AGBL3: variants seen among roughly 807,000 people sequenced by gnomAD.
The protein encoded by AGBL3 is AGBL carboxypeptidase 3.
A neutral mutation model predicts 94.5 loss-of-function variants in AGBL3; 68 were observed. The observed-to-expected ratio is 0.72, with a 90% CI of 0.59 to 0.88. The LOEUF (loss-of-function observed/expected upper bound fraction) is 0.88, where lower values mean the gene tolerates loss of function less well. AGBL3 is among the 40% of genes least tolerant of loss of function. AGBL3 has a pLI of 0.00. For missense variants in AGBL3, 934 were observed against 1,103.8 expected, an observed-to-expected ratio of 0.85 and a Z score of 2.18; for synonymous variants, 354 against 370.7, an observed-to-expected ratio of 0.95 and a Z score of 0.52.
At chr7:135,094,354 G>A in intron 15 of AGBL3, 1 of 456,572 alleles carries the variant, frequency 2.2e-6, no homozygotes, top group Non-Finnish European at 4.4e-6. Context: ...ACGAATCCAG[G>A]GAGTCACTGC....
chr7:135,019,889 T>C (rs1814236985), intron 5 of AGBL3, among the ~76,000 whole-genome samples: 1 of 152,190 alleles, frequency 6.6e-6, no homozygotes, highest in East Asian at 1.9e-4. Context: ...ATCCATTCCT[T>C]ACACATTATA....
At chr7:135,011,408 C>T (rs1383330821) in intron 4 of AGBL3, 3 of 152,062 alleles carry the variant, frequency 2.0e-5, no homozygotes, top group African/African-American at 7.2e-5. Context: ...AAGAAAAAGA[C>T]TGATAAATTT....
At chr7:134,989,509 T>C (rs1336151234) in intron 3 of AGBL3, among the ~76,000 whole-genome samples, 199 bp downstream of exon 3, 7 of 152,220 alleles carry the variant, frequency 4.6e-5, no homozygotes, top group Non-Finnish European at 1.0e-4. Context: ...TAGAAAATAA[T>C]AAATGAAAGT....
At chr7:134,989,331 T>C (rs1326719810) in intron 3 of AGBL3, 21 bp downstream of exon 3, 2 of 1,508,114 alleles carry the variant, frequency 1.3e-6, no homozygotes, top group Non-Finnish European at 1.8e-6. Flanking sequence ...ATTCATATAG[T>C]TTTTGTTTAG....
chr7:135,049,122 T>A (rs1003390639), intron 11 of AGBL3, among the ~76,000 whole-genome samples: 1 of 151,858 alleles, frequency 6.6e-6, no homozygotes, highest in Non-Finnish European at 1.5e-5. Context: ...CCTTCTATTC[T>A]TAGTTTGTTG....
chr7:135,005,802 T>A (rs1225324818), intron 4 of AGBL3, among the ~76,000 whole-genome samples: 2 of 151,692 alleles, frequency 1.3e-5, no homozygotes, highest in Admixed American at 6.6e-5. Flanking sequence ...TCCCAAGTGG[T>A]TTTTCATGAA....
At position 135,032,867 on chromosome 7, in the gene AGBL3, T is replaced by C. The variant is rs1815914863; in HGVS notation, c.442T>C (p.Tyr148His). 2 of 1,549,980 alleles carry C rather than the reference T, an allele frequency of 1.3e-6. No homozygotes were observed. The highest frequency in any genetic ancestry group is 1.7e-6 in the Non-Finnish European group (2 of 1,146,438). ...EDAYKEPCFV[Y>H]SRVGGNRTPL... ...AGCTTACAAAGAGCCCTGTTTTGTG[T>C]ATTCCCGAGTTGGGGGTAACCGAAC... The change falls in exon 6 of 17, where the codon TAT (tyrosine) becomes CAT (histidine). Residue 148 changes from tyrosine (Y) to histidine (H), a missense_variant. This residue lies in a region of AGBL3 where 488 missense variants were observed against 563.6 expected (regional missense o/e 0.87). Coordinates refer to ENST00000436302, the MANE Select transcript of AGBL3 (RefSeq NM_178563.4).
chr7:135,034,063 T>G (rs1007285120), intron 6 of AGBL3, 86 bp from the exon 7 acceptor site: 2 of 1,194,618 alleles, frequency 1.7e-6, no homozygotes, highest in Non-Finnish European at 2.2e-6. Context: ...TTTTCCTTAT[T>G]TAACTCAAAA....
intron 3 of AGBL3, among the ~76,000 whole-genome samples, chr7:134,991,201 T>TA (rs1489064986): frequency 3.7e-5 from 3 of 80,428 alleles, no homozygotes; most frequent in Non-Finnish European, 7.7e-5. Context: ...TGTGTGTGGG[T>TA]GGGGGGGGGG....
At chr7:135,103,120 G>A (rs1421267376) in intron 15 of AGBL3, among the ~76,000 whole-genome samples, 4 of 152,042 alleles carry the variant, frequency 2.6e-5, no homozygotes, top group African/African-American at 7.2e-5. Context: ...CAGACCATCC[G>A]CACCTGGAAA....
intron 15 of AGBL3, among the ~76,000 whole-genome samples, chr7:135,103,866 G>A (rs1413874804): frequency 6.6e-6 from 1 of 151,878 alleles, no homozygotes; most frequent in Middle Eastern, 3.4e-3. Flanking sequence ...TTCTTCAACT[G>A]CTTCAACTGC....
chr7:135,038,198 A>C (rs1584912557), intron 8 of AGBL3, among the ~76,000 whole-genome samples: 1 of 152,212 alleles, frequency 6.6e-6, no homozygotes, highest in African/African-American at 2.4e-5. Flanking sequence ...TAAGTTCTCA[A>C]CCAACAAATT....
intron 15 of AGBL3, among the ~76,000 whole-genome samples, chr7:135,104,279 GT>G (rs1824309273): frequency 6.6e-6 from 1 of 152,116 alleles, no homozygotes; most frequent in Admixed American, 6.5e-5. Context: ...GTATTCCATG[GT>G]GTATGTGTAC....
At chr7:135,043,903 C>T in intron 8 of AGBL3, 122 bp from the exon 9 acceptor site, 1 of 1,234,708 alleles carries the variant, frequency 8.1e-7, no homozygotes, top group Non-Finnish European at 1.1e-6. Flanking sequence ...TAAAAAGTAG[C>T]TCCTGAAGCT....
chr7:134,992,660 G>A (rs2133370791), intron 3 of AGBL3, among the ~76,000 whole-genome samples: 2 of 152,284 alleles, frequency 1.3e-5, no homozygotes, highest in South Asian at 4.1e-4. Flanking sequence ...TTATTGACCT[G>A]TAGTAAGATT....
At chr7:135,042,692 A>AT (rs1244569919) in intron 8 of AGBL3, among the ~76,000 whole-genome samples, 1 of 152,142 alleles carries the variant, frequency 6.6e-6, no homozygotes, top group Non-Finnish European at 1.5e-5. Context: ...GGAGGATGGC[A>AT]TGAGGCCAGG....
At position 134,987,965 on chromosome 7, in the gene AGBL3, C is replaced by G. The variant is rs1484143886; in HGVS notation, c.32C>G (p.Ser11Ter). MSEDSEKEDY[S>*]DRTISDEDES... ...GAAGATTCAGAAAAGGAAGACTATT[C>G]AGACAGAACAATCAGTGATGAAGAT... Residue 11 changes from serine to a stop codon, truncating the protein, a stop_gained, in exon 2 of 17, where the codon TCA becomes TGA. Coordinates refer to ENST00000436302, the MANE Select transcript of AGBL3 (RefSeq NM_178563.4). LOFTEE classifies it high-confidence loss of function. 6.5e-7 allele frequency: 1 copy of G among 1,547,400 alleles called. No homozygotes were observed. Among genetic ancestry groups the G allele is most frequent in the Non-Finnish European group, 8.7e-7 (1 of 1,145,574 alleles).
intron 4 of AGBL3, among the ~76,000 whole-genome samples, chr7:135,013,208 A>T (rs1813371298): frequency 6.6e-6 from 1 of 152,224 alleles, no homozygotes; most frequent in Non-Finnish European, 1.5e-5. Flanking sequence ...CCACAATGAG[A>T]TACCACTTTA....
At chr7:135,074,090 T>C (rs893481305) in intron 12 of AGBL3, among the ~76,000 whole-genome samples, 6 of 152,162 alleles carry the variant, frequency 3.9e-5, no homozygotes, top group Non-Finnish European at 7.3e-5. Context: ...AAAAGCAAAA[T>C]AAGTGGTAAC....
Sources: gnomAD v4.1 joint callset for allele counts (sites outside exome capture counted in the v4.1 genomes callset) on GRCh38, gnomAD v4.1.1 for gene constraint, gnomAD v4.1.1 regional missense constraint, MANE v1.5 for transcripts, NCBI Gene and HGNC (gene_info 2026-07-23, HGNC 2026-07-21) for gene names.